Variants in NOL3 observed in about 807,000 individuals in gnomAD.
NOL3 encodes muscle-enriched cytoplasmic protein.
Under a neutral mutation model 19.2 loss-of-function variants are expected in NOL3, and 18 were observed. The observed-to-expected ratio is 0.94, with a 90% confidence interval of 0.65 to 1.39. The LOEUF (loss-of-function observed/expected upper bound fraction) is 1.39. NOL3 is among the 40% of genes most tolerant of loss of function. The pLI, the probability that NOL3 is intolerant of heterozygous loss-of-function variation, is 0.00. For synonymous variants in NOL3, 127 were observed against 137.3 expected, an observed-to-expected ratio of 0.93 and a Z score of 0.52; for missense variants, 290 against 289.5, an observed-to-expected ratio of 1.00 and a Z score of -0.01.
At chr16:67,175,157 CG>C (rs1193376801) in exon 4 of NOL3, 1 of 1,592,302 alleles carries the variant, frequency 6.3e-7, no homozygotes, top group Non-Finnish European at 8.6e-7. Flanking sequence ...AGCCCAGTAC[CG>C]CTGGAAGTGA....
rs756870239 is a variant in NOL3 at position 67,174,579 on chromosome 16, C to G, written c.296-42C>G. On this transcript the variant is annotated intron_variant, in intron 2 of 3. Transcript: ENST00000268605. The stretch of plus-strand genomic sequence containing the variant: ...AGAAGTAGGCGAGTGTGAAACCGCA[C>G]AGGGGTAAATTGAGCCTCAGTCACT... 2.6e-6 allele frequency: 4 copies of G among 1,513,350 alleles called. No homozygotes were observed. The Admixed American group carries it at 9.1e-5, about 34-fold the overall frequency. 93.7% of individuals were successfully genotyped at this position (1,513,350 alleles called of 1,614,324 possible). A position where few individuals can be genotyped will look rare whatever the true frequency, so the allele number is the denominator to read the frequency against.
chr16:67,171,815 C>T (rs1368665893), intron 1 of NOL3: 3 of 152,356 alleles, frequency 2.0e-5, no homozygotes, highest in Non-Finnish European at 4.4e-5. Context: ...GGGACTGTTA[C>T]AGGACATGAG....
At position 67,174,477 on chromosome 16, in the gene NOL3, G is replaced by A. The variant is rs1232408524; in HGVS notation, c.295+13G>A. 6.8e-7 allele frequency: 1 copy of A among 1,481,034 alleles called. No homozygotes were observed. The highest frequency in any genetic ancestry group is 8.9e-7 in the Non-Finnish European group (1 of 1,122,718). The allele number at this position is 1,481,034 out of a possible 1,614,324, so 91.7% of individuals were successfully genotyped here. On this transcript the variant is annotated intron_variant, in intron 2 of 3. Coordinates refer to ENST00000268605, the Ensembl canonical transcript of NOL3. ...CACGTGGGTCCGGGTGAGCGCGCGGGGCGGGGCCTAGGGCAGAGCAGGGAC... is the reference window on the plus strand; with the variant it reads ...CACGTGGGTCCGGGTGAGCGCGCGGAGCGGGGCCTAGGGCAGAGCAGGGAC...
chr16:67,174,690 C>T (rs2032040987), exon 3 of NOL3: 1 of 1,599,126 alleles, frequency 6.3e-7, no homozygotes, highest in Non-Finnish European at 8.5e-7. Flanking sequence ...GGCTCGGGGA[C>T]CACATGCCCC....
rs2031976583 is a variant in NOL3, at chr16:67,174,295, G to GC, written c.128dup (p.Glu44ArgfsTer10). The GC allele has an allele frequency of 1.2e-6, 2 of 1,609,982 alleles. No individual in the cohort carries two copies. The highest frequency in any genetic ancestry group is 2.2e-5 in the South Asian group (2 of 90,588). ...TGCTGGCGCGGGGCGTGCTCACCGG[G>GC]CCAGAGTACGAGGCATTGGATGCAC... On this transcript the variant is annotated frameshift_variant, in exon 2 of 4. Transcript: ENST00000268605. LOFTEE classifies it high-confidence loss of function.
intron 1 of NOL3, 37 bp from the exon 2 acceptor site, chr16:67,174,125 C>T: frequency 6.2e-7 from 1 of 1,601,922 alleles, no homozygotes; most frequent in Middle Eastern, 1.7e-4. Context: ...GCGGGGAGGG[C>T]AACCCCCCAT....
In NOL3 at chr16:67,170,833, G is replaced by C. The variant is rs924762793; in HGVS notation, c.-9+259G>C. 6.6e-6 allele frequency among the ~76,000 whole-genome samples: 1 copy of C among 152,224 alleles called. No individual in the cohort carries two copies. Among genetic ancestry groups the C allele is most frequent in the Non-Finnish European group, 1.5e-5 (1 of 68,042 alleles). The stretch of plus-strand genomic sequence containing the variant: ...GCGCAAAGGCTCTTCACTGTCCCAA[G>C]ACCCTGGCTTCCTGGCCAAAGAGCC... On this transcript the variant is annotated intron_variant, in intron 1 of 3. Coordinates refer to ENST00000268605, the Ensembl canonical transcript of NOL3. The surrounding 1 kb of genome is among the most constrained non-coding windows in gnomAD (Gnocchi z 5.7).
At position 67,172,270 on chromosome 16, in the gene NOL3, C is replaced by T. The variant is rs117608715; in HGVS notation, c.-9+1696C>T. Among the ~76,000 whole-genome samples, 219 of 152,192 alleles carry T rather than the reference C, an allele frequency of 1.4e-3. 4 individuals are homozygous for T. The East Asian group carries it at 0.036, about 25-fold the overall frequency. ...CTCCTAATGCCGGGGGTCTTGCTGGCTGGGTCAGGCCACTCACAGGAATGG... is the reference window on the plus strand; with the variant it reads ...CTCCTAATGCCGGGGGTCTTGCTGGTTGGGTCAGGCCACTCACAGGAATGG... On this transcript the variant is annotated intron_variant, in intron 1 of 3. Transcript: ENST00000268605.
rs750114570 is a variant in NOL3 at position 67,174,167 on chromosome 16, A to T, written c.-3A>T. On this transcript the variant is annotated 5_prime_UTR_variant, in exon 2 of 4. Transcript: ENST00000268605. ...TCTCCCCTTTCCCCATGCAGCCCCG[A>T]CAATGGGCAACGCGCAGGAGCGGCC... 1.2e-5 allele frequency: 20 copies of T among 1,608,052 alleles called. No homozygotes were observed. The South Asian group carries it at 2.0e-4, about 16-fold the overall frequency.
chr16:67,171,526 G>A (rs567173528), intron 1 of NOL3: 1 of 152,462 alleles, frequency 6.6e-6, no homozygotes, highest in African/African-American at 2.4e-5. Flanking sequence ...GTGGTGGGAG[G>A]AGGCTAGAGT....
rs375346192 is a variant in NOL3 at position 67,174,852 on chromosome 16, A to G, written c.527A>G (p.Glu176Gly). ...GAGCCGGAGCCAGAGCCAGAGCTGGAACCCGAGGCTGAAGCAGAACCAGAG... is the reference window on the plus strand; with the variant it reads ...GAGCCGGAGCCAGAGCCAGAGCTGGGACCCGAGGCTGAAGCAGAACCAGAG... The change falls in exon 3 of 4, where the codon GAA becomes GGA. Residue 176 changes from glutamate to glycine, a missense_variant. By Grantham distance (98) the Glu-to-Gly change is moderately conservative (BLOSUM62 -2). Around this residue, in one of 3 missense-constraint regions of NOL3, gnomAD observed 123 missense variants for 107.0 expected, o/e 1.15. Transcript: ENST00000268605. The G allele has an allele frequency of 5.7e-5, 92 of 1,608,080 alleles. No individual in the cohort carries two copies. The highest frequency in any genetic ancestry group is 7.4e-5 in the Non-Finnish European group (87 of 1,177,062).
chr16:67,174,832 G>C, exon 3 of NOL3: 6 of 1,604,288 alleles, frequency 3.7e-6, no homozygotes, highest in Non-Finnish European at 5.1e-6. Context: ...AACCGGAGCC[G>C]GAGCCAGAGC....
At chr16:67,175,301 C>A in exon 4 of NOL3, 1 of 1,417,886 alleles carries the variant, frequency 7.1e-7, no homozygotes, top group African/African-American at 1.4e-5. Context: ...ATCATCCAGT[C>A]CTCAGCCCTA....
chr16:67,173,093 C>T (rs1274153118), intron 1 of NOL3: 3 of 136,434 alleles, frequency 2.2e-5, no homozygotes, highest in East Asian at 2.1e-4. Flanking sequence ...GAGACTCCAT[C>T]TCAAAAAAAA....
At chr16:67,175,275 C>A in exon 4 of NOL3, 4 of 1,436,916 alleles carry the variant, frequency 2.8e-6, no homozygotes, top group Non-Finnish European at 3.6e-6. Flanking sequence ...TGGGCAGGCC[C>A]AAGCCCACCA....
chr16:67,173,154 A>G (rs1031551816), intron 1 of NOL3, among the ~76,000 whole-genome samples: 10 of 151,842 alleles, frequency 6.6e-5, no homozygotes, highest in Non-Finnish European at 1.3e-4. Context: ...AAATCAGTCC[A>G]AGTTCGGCAA....
intron 1 of NOL3, chr16:67,173,921 G>C (rs2031930265): frequency 6.5e-7 from 1 of 1,536,204 alleles, no homozygotes; most frequent in South Asian, 1.2e-5. Flanking sequence ...GCTGACGCTT[G>C]GGGACAGAAG....
At chr16:67,173,035 T>G (rs1321603923) in intron 1 of NOL3, 5 of 141,176 alleles carry the variant, frequency 3.5e-5, no homozygotes, top group Admixed American at 3.5e-4. Context: ...GAGGCGGAGG[T>G]TGCAGTGAGC....
At chr16:67,172,680 T>C (rs1031689164) in intron 1 of NOL3, 5 of 150,734 alleles carry the variant, frequency 3.3e-5, no homozygotes, top group Admixed American at 2.6e-4. Context: ...AGATAGTCTC[T>C]CAAGAGCCAG....
Sources: gnomAD v4.1 joint callset for allele counts (sites outside exome capture counted in the v4.1 genomes callset) on GRCh38, gnomAD v4.1.1 for gene constraint, gnomAD v4.1.1 regional missense constraint, Gnocchi (gnomAD v3.1) non-coding constraint, MANE v1.5 for transcripts, NCBI Gene and HGNC (gene_info 2026-07-23, HGNC 2026-07-21) for gene names.